The following MYCBP2 variants were observed in gnomAD, a reference collection of about 807,000 sequenced individuals.
MYCBP2 encodes E3 ubiquitin-protein ligase MYCBP2.
MYCBP2 carries 120 observed loss-of-function variants against 525.3 expected under a neutral mutation model. The observed-to-expected ratio is 0.23, with a 90% CI of 0.20 to 0.27. The LOEUF (loss-of-function observed/expected upper bound fraction) is 0.27, where lower values mean the gene tolerates loss of function less well. Among genes scored for constraint, MYCBP2 ranks in the 10% least tolerant of loss-of-function variants. The pLI is 1.00. For missense variants in MYCBP2, 4,149 were observed against 5,657.1 expected (o/e 0.73, Z 8.55); for synonymous variants, 1,894 against 1,955.8 (o/e 0.97, Z 0.83).
At chr13:77,063,302 A>T (rs2039630331) in intron 73 of MYCBP2, among the ~76,000 whole-genome samples, 1 of 152,216 alleles carries the variant, frequency 6.6e-6, no homozygotes, top group African/African-American at 2.4e-5. Flanking sequence ...ACATGCCTGT[A>T]ATCCCAGCAC....
intron 26 of MYCBP2, 38 bp downstream of exon 26, chr13:77,205,218 T>C (rs774214322): frequency 6.7e-7 from 1 of 1,484,156 alleles, no homozygotes; most frequent in South Asian, 1.6e-5. Context: ...AATCAGTATG[T>C]TCAAACAAAA....
intron 21 of MYCBP2, among the ~76,000 whole-genome samples, chr13:77,215,328 C>T (rs575111318): frequency 6.6e-6 from 1 of 152,180 alleles, no homozygotes; most frequent in South Asian, 2.1e-4. Context: ...GACTATACAC[C>T]TTCAGACTTG....
intron 43 of MYCBP2, among the ~76,000 whole-genome samples, chr13:77,163,271 T>C (rs9565323): frequency 0.032 from 4,916 of 152,252 alleles, 214 homozygotes; most frequent in East Asian, 0.17. Context: ...TAACAGCTAT[T>C]GACAAAAATA....
At chr13:77,203,706 C>G (rs1400143487) in intron 26 of MYCBP2, among the ~76,000 whole-genome samples, 1 of 152,148 alleles carries the variant, frequency 6.6e-6, no homozygotes, top group Non-Finnish European at 1.5e-5. Flanking sequence ...AGATATAGAT[C>G]AATGGAACGG....
chr13:77,247,393 A>T (rs1365507542), intron 15 of MYCBP2, among the ~76,000 whole-genome samples: 1 of 152,204 alleles, frequency 6.6e-6, no homozygotes, highest in Non-Finnish European at 1.5e-5. Context: ...AATGAGGTGA[A>T]ATGAGAACTA....
chr13:77,166,277 T>C, intron 41 of MYCBP2, 52 bp downstream of exon 41: 1 of 1,263,872 alleles, frequency 7.9e-7, no homozygotes, highest in South Asian at 1.4e-5. Context: ...TTACTAAATA[T>C]ACATAAATGC....
intron 3 of MYCBP2, among the ~76,000 whole-genome samples, chr13:77,286,018 A>G (rs1324259382): frequency 1.3e-5 from 2 of 152,230 alleles, no homozygotes; most frequent in African/African-American, 4.8e-5. Flanking sequence ...CAAAAAGGAC[A>G]TGTGAAGATG....
intron 1 of MYCBP2, among the ~76,000 whole-genome samples, chr13:77,315,793 G>A (rs2080857462): frequency 6.6e-6 from 1 of 150,952 alleles, no homozygotes; most frequent in Non-Finnish European, 1.5e-5. Flanking sequence ...TACTCAGGAA[G>A]CTGAGGCAGG....
intron 52 of MYCBP2, among the ~76,000 whole-genome samples, chr13:77,132,823 T>A (rs1232485996): frequency 6.6e-6 from 1 of 152,166 alleles, no homozygotes; most frequent in African/African-American, 2.4e-5. Flanking sequence ...GGTAGGTGCA[T>A]AATAAATTCT....
At chr13:77,124,564 A>C (rs757529860) in intron 54 of MYCBP2, among the ~76,000 whole-genome samples, 41 of 152,330 alleles carry the variant, frequency 2.7e-4, no homozygotes, top group Admixed American at 7.8e-4. Context: ...GTATGTGTCA[A>C]AACTGTTTCA....
chr13:77,266,790 T>C (rs931629513), intron 8 of MYCBP2, among the ~76,000 whole-genome samples: 1 of 126,714 alleles, frequency 7.9e-6, no homozygotes, highest in African/African-American at 3.2e-5. Flanking sequence ...TATCTGAAAA[T>C]AGATGGTTAT....
intron 63 of MYCBP2, 31 bp from the exon 64 acceptor site, chr13:77,082,024 A>T: frequency 6.3e-7 from 1 of 1,594,002 alleles, no homozygotes; most frequent in South Asian, 1.1e-5. Context: ...CAATATACGA[A>T]ATAATTATTT....
intron 1 of MYCBP2, among the ~76,000 whole-genome samples, chr13:77,311,872 CAAA>C (rs1431585127): frequency 6.6e-6 from 1 of 151,638 alleles, no homozygotes; most frequent in Admixed American, 6.6e-5. Context: ...TAGTGAAAGC[CAAA>C]AATTTACCGA....
intron 71 of MYCBP2, among the ~76,000 whole-genome samples, chr13:77,066,879 A>C (rs530853647): frequency 6.6e-6 from 1 of 152,030 alleles, no homozygotes; most frequent in East Asian, 1.9e-4. Context: ...GGCATTTATA[A>C]GTTTTTTTCT....
chr13:77,279,463 G>A (rs188187831), intron 3 of MYCBP2, among the ~76,000 whole-genome samples: 35 of 152,212 alleles, frequency 2.3e-4, no homozygotes, highest in Admixed American at 1.9e-3. Context: ...GATTGAGAGA[G>A]CAAATTGCAA....
In MYCBP2 at chr13:77,104,731, G is replaced by C. The variant is rs186239292; in HGVS notation, c.8141-5718C>G. Among the ~76,000 whole-genome samples the C allele has an allele frequency of 2.7e-3, 413 of 152,154 alleles. 1 individual carries two copies. Among genetic ancestry groups the C allele is most frequent in the African/African-American group, 9.4e-3 (389 of 41,520 alleles). On this transcript the variant is annotated intron_variant, in intron 55 of 82. Coordinates refer to ENST00000544440, the MANE Select transcript of MYCBP2 (RefSeq NM_015057.5). Reference sequence around the variant, plus strand: ...TAAGTAAAACTGACACCTTAGAACCGACAACTGAATTTGGCAACACAAAAG... The same window carrying C: ...TAAGTAAAACTGACACCTTAGAACCCACAACTGAATTTGGCAACACAAAAG...
At chr13:77,103,795 G>C (rs73541767) in intron 55 of MYCBP2, among the ~76,000 whole-genome samples, 1 of 151,820 alleles carries the variant, frequency 6.6e-6, no homozygotes, top group Non-Finnish European at 1.5e-5. Context: ...GAATGGACTC[G>C]GGGTGACACT....
chr13:77,237,302 CAGA>C (rs897162139), intron 17 of MYCBP2, among the ~76,000 whole-genome samples: 6 of 152,046 alleles, frequency 3.9e-5, no homozygotes, highest in Admixed American at 1.3e-4. Flanking sequence ...AATGTATATA[CAGA>C]ATACTACTTT....
chr13:77,090,329 A>G lies in MYCBP2; in HGVS notation c.10368-66T>C. On this transcript the variant is annotated intron_variant, in intron 59 of 82. Transcript: ENST00000544440. ...CTGAATGAAATGTAACTATACTTATAATGATGCAAAATATGTGACTCAATA... is the reference window on the plus strand; with the variant it reads ...CTGAATGAAATGTAACTATACTTATGATGATGCAAAATATGTGACTCAATA... 5 of 1,300,118 alleles carry G rather than the reference A, an allele frequency of 3.8e-6. No individual in the cohort carries two copies. In the South Asian group the frequency reaches 7.1e-5, roughly 18 times the overall value. 80.5% of individuals were successfully genotyped at this position (1,300,118 alleles called of 1,614,324 possible).
Sources: gnomAD v4.1 joint callset for allele counts (sites outside exome capture counted in the v4.1 genomes callset) on GRCh38, gnomAD v4.1.1 for gene constraint, MANE v1.5 for transcripts, NCBI Gene and HGNC (gene_info 2026-07-23, HGNC 2026-07-21) for gene names.